The following PARN variants were observed in gnomAD, a reference collection of about 807,000 sequenced individuals.
PARN encodes poly(A)-specific ribonuclease.
PARN carries 71 observed loss-of-function variants against 102.8 expected under a neutral mutation model. The ratio of observed to expected loss-of-function variants is 0.69; its 90% CI spans 0.57 to 0.84. PARN has a LOEUF of 0.84. Ranked by LOEUF, PARN falls within the 40% of genes least tolerant of loss-of-function variation. The probability of loss-of-function intolerance (pLI) is 0.00; values close to 1 mark genes in which losing one functional copy is unlikely to be tolerated. For missense variants in PARN, 782 were observed against 760.9 expected, an observed-to-expected ratio of 1.03 and a Z score of -0.33; for synonymous variants, 261 against 252.9, an observed-to-expected ratio of 1.03 and a Z score of -0.30.
intron 6 of PARN, among the ~76,000 whole-genome samples, chr16:14,617,317 G>A (rs1245786988): frequency 6.8e-6 from 1 of 146,196 alleles, no homozygotes; most frequent in East Asian, 2.0e-4. Flanking sequence ...CTGGGAGGCA[G>A]AGCTTGCAGT....
At chr16:14,495,326 A>G (rs1412628221) in intron 21 of PARN, among the ~76,000 whole-genome samples, 1 of 152,062 alleles carries the variant, frequency 6.6e-6, no homozygotes, top group Non-Finnish European at 1.5e-5. Flanking sequence ...TGTCCACTAA[A>G]AAAAAAAATT....
chr16:14,494,923 T>C (rs1964236707), intron 21 of PARN, among the ~76,000 whole-genome samples: 2 of 152,080 alleles, frequency 1.3e-5, no homozygotes, highest in Admixed American at 6.5e-5. Flanking sequence ...GATGGTGGCT[T>C]TGAAGTACCT....
At chr16:14,550,096 T>C (rs919256863) in intron 21 of PARN, among the ~76,000 whole-genome samples, 1 of 152,162 alleles carries the variant, frequency 6.6e-6, no homozygotes, top group Non-Finnish European at 1.5e-5. Flanking sequence ...GGTCAGGACT[T>C]TGAACTCAGT....
At chr16:14,605,840 G>A (rs1398150547) in intron 10 of PARN, among the ~76,000 whole-genome samples, 7 of 152,074 alleles carry the variant, frequency 4.6e-5, no homozygotes, top group Admixed American at 6.5e-5. Flanking sequence ...GTCTGCCCAC[G>A]CAACATGAAG....
chr16:14,599,403 T>C (rs1322750131), intron 12 of PARN, among the ~76,000 whole-genome samples: 4 of 152,028 alleles, frequency 2.6e-5, no homozygotes, highest in African/African-American at 4.8e-5. Flanking sequence ...TATCATAGAG[T>C]CCCCTAGCAC....
chr16:14,590,234 C>CAAAAA (rs11302769), intron 13 of PARN, among the ~76,000 whole-genome samples: 12 of 45,960 alleles, frequency 2.6e-4, no homozygotes, highest in Admixed American at 8.1e-4. Flanking sequence ...GACTCCATCT[C>CAAAAA]AAAAAAAAAA....
chr16:14,481,457 C>G (rs922648032), intron 22 of PARN, among the ~76,000 whole-genome samples: 2 of 152,076 alleles, frequency 1.3e-5, no homozygotes, highest in African/African-American at 4.8e-5. Flanking sequence ...TGCTTAGGGT[C>G]ATGGGAATTG....
At chr16:14,442,983 C>T (rs1961011810) in intron 23 of PARN, among the ~76,000 whole-genome samples, 1 of 152,176 alleles carries the variant, frequency 6.6e-6, no homozygotes, top group South Asian at 2.1e-4. Flanking sequence ...GTAATGAATC[C>T]TTCATTTCCT....
At chr16:14,585,171 G>T (rs535070299) in intron 14 of PARN, among the ~76,000 whole-genome samples, 1 of 152,102 alleles carries the variant, frequency 6.6e-6, no homozygotes, top group Admixed American at 6.6e-5. Context: ...TACTGCTGCC[G>T]GTCTACCATT....
At chr16:14,540,474 T>G (rs545770508) in intron 21 of PARN, among the ~76,000 whole-genome samples, 4 of 152,216 alleles carry the variant, frequency 2.6e-5, no homozygotes, top group Non-Finnish European at 5.9e-5. Context: ...ATATATTGTA[T>G]TTCAGATATA....
At chr16:14,577,275 T>C (rs1304125511) in intron 18 of PARN, among the ~76,000 whole-genome samples, 2 of 152,228 alleles carry the variant, frequency 1.3e-5, no homozygotes, top group Admixed American at 1.3e-4. Flanking sequence ...AATGTTTTTC[T>C]ACAAGGGTAA....
chr16:14,457,918 G>T (rs1961758184), intron 22 of PARN, among the ~76,000 whole-genome samples: 2 of 149,900 alleles, frequency 1.3e-5, no homozygotes, highest in South Asian at 4.2e-4. Flanking sequence ...GTGTGTGTGG[G>T]GGTGTGTGTG....
At chr16:14,451,434 C>G (rs888168257) in intron 22 of PARN, among the ~76,000 whole-genome samples, 1 of 152,100 alleles carries the variant, frequency 6.6e-6, no homozygotes, top group Non-Finnish European at 1.5e-5. Flanking sequence ...ATTCATACAA[C>G]GAAATATAAT....
At chr16:14,618,181 T>C (rs1356166957) in intron 5 of PARN, among the ~76,000 whole-genome samples, 3 of 151,868 alleles carry the variant, frequency 2.0e-5, no homozygotes, top group African/African-American at 7.3e-5. Flanking sequence ...CTGTCTCTAC[T>C]AAAAATACAA....
chr16:14,576,144 G>C (rs1969120754), intron 18 of PARN: 1 of 152,242 alleles, frequency 6.6e-6, no homozygotes, highest in Non-Finnish European at 1.5e-5. Flanking sequence ...AATACAGAAG[G>C]TGAATCATTT....
chr16:14,577,010 A>G (rs539614015), intron 18 of PARN, among the ~76,000 whole-genome samples: 3 of 152,374 alleles, frequency 2.0e-5, no homozygotes, highest in South Asian at 4.1e-4. Context: ...ATGCTAATTT[A>G]GAATAATGCA....
intron 21 of PARN, among the ~76,000 whole-genome samples, chr16:14,549,281 A>C (rs1258795403): frequency 6.6e-6 from 1 of 152,226 alleles, no homozygotes; most frequent in Non-Finnish European, 1.5e-5. Flanking sequence ...CCTAGGAGGA[A>C]AAAAGGTAAA....
chr16:14,511,408 G>A (rs547256188), intron 21 of PARN, among the ~76,000 whole-genome samples: 3 of 151,710 alleles, frequency 2.0e-5, no homozygotes, highest in Non-Finnish European at 4.4e-5. Flanking sequence ...CATTCCCACT[G>A]CTGAGAAACC....
rs372489171 is a variant in PARN, at chr16:14,482,647, C to G, written c.1661G>C (p.Arg554Pro). The change falls in exon 22 of 24, where the codon CGC (arginine) becomes CCC (proline). Residue 554 changes from arginine (R) to proline (P), a missense_variant. Arg to Pro is a moderately radical substitution (Grantham distance 103). Coordinates refer to ENST00000437198, the MANE Select transcript of PARN (RefSeq NM_002582.4). ...AGCTGAGAGCTCTTACCTATTGTTG[C>G]GGTAATAGTGATTCTGCAGGGTGTA... is the stretch of plus-strand genomic sequence containing the variant. ...IPYTLQNHYY[R>P]NNSFTAPSTV... is the part of the protein sequence containing the mutation. 6.2e-7 allele frequency: 1 copy of G among 1,601,488 alleles called. No individual in the cohort carries two copies. The highest frequency in any genetic ancestry group is 1.3e-5 in the African/African-American group (1 of 74,272).
Sources: allele counts gnomAD v4.1 joint callset (sites outside exome capture counted in the v4.1 genomes callset), GRCh38; gene constraint gnomAD v4.1.1; transcripts MANE v1.5; gene names NCBI Gene and HGNC (gene_info 2026-07-23, HGNC 2026-07-21).